The following FLT1 variants were observed in gnomAD, a reference collection of about 807,000 sequenced individuals.
The protein encoded by FLT1 is vascular endothelial growth factor receptor 1.
FLT1 carries 49 observed loss-of-function variants against 156.3 expected under a neutral mutation model. The ratio of observed to expected loss-of-function variants is 0.31; its 90% CI spans 0.25 to 0.40. FLT1 has a LOEUF of 0.40. Among genes scored for constraint, FLT1 ranks in the 10% least tolerant of loss-of-function variants. FLT1 has a pLI of 1.00. For missense variants in FLT1, 1,322 were observed against 1,637.2 expected (o/e 0.81, Z 3.32); for synonymous variants, 594 against 583.8 (o/e 1.02, Z -0.25).
intron 25 of FLT1, among the ~76,000 whole-genome samples, chr13:28,314,194 C>G (rs915146355): frequency 6.6e-6 from 1 of 152,144 alleles, no homozygotes; most frequent in East Asian, 1.9e-4. Flanking sequence ...CCTGCACCAT[C>G]GTCTCCCCAC....
intron 3 of FLT1, among the ~76,000 whole-genome samples, chr13:28,460,667 C>A (rs1456108517): frequency 3.7e-5 from 5 of 135,336 alleles, no homozygotes; most frequent in African/African-American, 1.1e-4. Context: ...CCCCACCCCA[C>A]CCCCCCAAAA....
At chr13:28,351,444 C>T (rs1872732946) in intron 15 of FLT1, among the ~76,000 whole-genome samples, 1 of 152,212 alleles carries the variant, frequency 6.6e-6, no homozygotes, top group Admixed American at 6.5e-5. Context: ...ACATAAGCCA[C>T]TCAACCAGTG....
rs1358987392 is a variant in FLT1, at chr13:28,302,472, T to C, written c.*695A>G. 2 of 232,912 alleles carry C rather than the reference T, an allele frequency of 8.6e-6. No homozygotes were observed. The highest frequency in any genetic ancestry group is 1.7e-5 in the Non-Finnish European group (2 of 118,060). The allele number at this position is 232,912 out of a possible 1,614,324, so 14.4% of individuals were successfully genotyped here. A position where few individuals can be genotyped will look rare whatever the true frequency, so the allele number is the denominator to read the frequency against. On this transcript the variant is annotated 3_prime_UTR_variant, in exon 30 of 30. Coordinates refer to ENST00000282397, the MANE Select transcript of FLT1 (RefSeq NM_002019.4). ...ATTTGCTTTAGTTCCAAAAAAGATA[T>C]TTGTCCTTTTCTTGCCTCCCAGAAT...
intron 10 of FLT1, among the ~76,000 whole-genome samples, chr13:28,412,872 A>G (rs1440101551): frequency 6.6e-6 from 1 of 151,034 alleles, no homozygotes; most frequent in Admixed American, 6.7e-5. Flanking sequence ...ACGTTCTCTT[A>G]AAACAGATGA....
In FLT1 at chr13:28,387,687, A is replaced by C. The variant is rs189321409; in HGVS notation, c.1969+2109T>G. ...TTCCATTTCAATTATTCCCCATTTT[A>C]GGCTCCTTTTTTCTCCTTTTTTTTT... On this transcript the variant is annotated intron_variant, in intron 13 of 29. Transcript: ENST00000282397. 5.4e-4 allele frequency: 569 copies of C among 1,060,252 alleles called. 2 individuals carry two copies. In the South Asian group the frequency reaches 5.8e-3, roughly 11 times the overall value. 65.7% of individuals were successfully genotyped at this position (1,060,252 alleles called of 1,614,324 possible).
At chr13:28,350,726 C>T (rs558128228) in intron 15 of FLT1, among the ~76,000 whole-genome samples, 2 of 152,072 alleles carry the variant, frequency 1.3e-5, no homozygotes, top group Admixed American at 6.5e-5. Flanking sequence ...ACTTAGGGAC[C>T]GAACACAGGT....
intron 14 of FLT1, among the ~76,000 whole-genome samples, chr13:28,384,559 C>T (rs1874241293): frequency 6.6e-6 from 1 of 151,842 alleles, no homozygotes; most frequent in Non-Finnish European, 1.5e-5. Context: ...AGCCAAGAAA[C>T]TAACTGCTCA....
chr13:28,334,643 C>A (rs567896529), intron 17 of FLT1, among the ~76,000 whole-genome samples: 45 of 152,268 alleles, frequency 3.0e-4, no homozygotes, highest in African/African-American at 9.6e-4. Context: ...GACTTCCCTA[C>A]CAGGCAAAAT....
At chr13:28,427,694 A>G in intron 9 of FLT1, 58 bp downstream of exon 9, 3 of 1,446,684 alleles carry the variant, frequency 2.1e-6, no homozygotes, top group South Asian at 1.1e-5. Flanking sequence ...TGAATTCATA[A>G]ATGTTCACTA....
intron 24 of FLT1, 59 bp from the exon 25 acceptor site, chr13:28,317,656 A>T: frequency 2.0e-6 from 2 of 1,023,368 alleles, no homozygotes; most frequent in South Asian, 2.5e-5. Flanking sequence ...ACAAAAGACC[A>T]AGAGGGGACA....
At chr13:28,452,440 AC>A (rs1444191296) in intron 3 of FLT1, among the ~76,000 whole-genome samples, 3 of 152,204 alleles carry the variant, frequency 2.0e-5, no homozygotes, top group Admixed American at 2.0e-4. Flanking sequence ...AACGATAGTG[AC>A]CTACACCAGG....
At chr13:28,390,896 C>G (rs755976367) in intron 12 of FLT1, among the ~76,000 whole-genome samples, 4 of 152,144 alleles carry the variant, frequency 2.6e-5, no homozygotes, top group Non-Finnish European at 4.4e-5. Context: ...CACTTTAGTC[C>G]TAGACTTTTG....
chr13:28,376,473 GA>G (rs1195687522), intron 14 of FLT1, among the ~76,000 whole-genome samples: 1 of 152,208 alleles, frequency 6.6e-6, no homozygotes, highest in Non-Finnish European at 1.5e-5. Context: ...GCTTTACTAA[GA>G]ACATCTAAGA....
chr13:28,420,313 T>C (rs1876926514), intron 10 of FLT1, among the ~76,000 whole-genome samples: 1 of 152,222 alleles, frequency 6.6e-6, no homozygotes, highest in Non-Finnish European at 1.5e-5. Flanking sequence ...CTCAAAGTCC[T>C]GCTAAAGTGG....
chr13:28,431,390 A>G (rs1370193095), intron 6 of FLT1, 80 bp from the exon 7 acceptor site: 3 of 1,033,840 alleles, frequency 2.9e-6, no homozygotes, highest in Non-Finnish European at 4.5e-6. Flanking sequence ...CATTTCTTAG[A>G]TCATTAGTTC....
At position 28,440,197 on chromosome 13, in the gene FLT1, G is replaced by A. The variant is rs575502929; in HGVS notation, c.389-1852C>T. 6.6e-5 allele frequency among the ~76,000 whole-genome samples: 10 copies of A among 152,244 alleles called. No homozygotes were observed. In the South Asian group the frequency reaches 1.9e-3, roughly 28 times the overall value. On this transcript the variant is annotated intron_variant, in intron 3 of 29. Transcript: ENST00000282397. ...CACAGAACCAGCAGTTTTTTTCTCTGGGTACTCCTTGGATGCTACATTCCT... is the reference window on the plus strand; with the variant it reads ...CACAGAACCAGCAGTTTTTTTCTCTAGGTACTCCTTGGATGCTACATTCCT...
chr13:28,331,931 T>TA (rs1871948220), intron 18 of FLT1, among the ~76,000 whole-genome samples: 1 of 151,282 alleles, frequency 6.6e-6, no homozygotes, highest in Non-Finnish European at 1.5e-5. Flanking sequence ...TCTGAGCCTT[T>TA]TAAAAAAATC....
intron 1 of FLT1, among the ~76,000 whole-genome samples, chr13:28,477,512 A>C (rs1186740883): frequency 1.3e-5 from 2 of 152,220 alleles, no homozygotes; most frequent in Non-Finnish European, 2.9e-5. Flanking sequence ...GGCAAAGGTC[A>C]AGATCTGGTT....
intron 16 of FLT1, among the ~76,000 whole-genome samples, chr13:28,340,684 G>A (rs140782138): frequency 2.0e-5 from 3 of 152,254 alleles, no homozygotes; most frequent in African/African-American, 4.8e-5. Flanking sequence ...ACACCCACTC[G>A]CATTCTTCAG....
Sources: gnomAD v4.1 joint callset for allele counts (sites outside exome capture counted in the v4.1 genomes callset) on GRCh38, gnomAD v4.1.1 for gene constraint, MANE v1.5 for transcripts, NCBI Gene and HGNC (gene_info 2026-07-23, HGNC 2026-07-21) for gene names.